The following PUM2 variants were observed in gnomAD, a reference collection of about 807,000 sequenced individuals.
PUM2 encodes the protein pumilio homolog 2.
PUM2 carries 57 observed loss-of-function variants against 124.5 expected under a neutral mutation model. The observed-to-expected ratio is 0.46, with a 90% CI of 0.37 to 0.57. The LOEUF is 0.57. Among genes scored for constraint, PUM2 ranks in the 20% least tolerant of loss-of-function variants. The pLI, the probability that PUM2 is intolerant of heterozygous loss-of-function variation, is 0.00. For synonymous variants in PUM2, 460 were observed against 446.1 expected, an observed-to-expected ratio of 1.03 and a Z score of -0.39; for missense variants, 1,065 against 1,290.6, an observed-to-expected ratio of 0.83 and a Z score of 2.68.
rs1311287270 is a variant in PUM2 at position 20,261,979 on chromosome 2, C to T, written c.2225+1214G>A. On this transcript the variant is annotated intron_variant, in intron 14 of 20. Transcript: ENST00000361078. ...GTGTGATGGTGCGTGCCTGTAGTCCCAGCTATTCGGGATGCTTAGGTGGGA... is the reference window on the plus strand; with the variant it reads ...GTGTGATGGTGCGTGCCTGTAGTCCTAGCTATTCGGGATGCTTAGGTGGGA... 2.6e-5 allele frequency among the ~76,000 whole-genome samples: 4 copies of T among 152,084 alleles called. No individual in the cohort carries two copies. In the East Asian group the frequency reaches 7.7e-4, roughly 29 times the overall value.
intron 7 of PUM2, 116 bp downstream of exon 7, chr2:20,307,862 G>A: frequency 7.5e-7 from 1 of 1,338,028 alleles, no homozygotes; most frequent in Non-Finnish European, 1.0e-6. Flanking sequence ...CCTATTACTT[G>A]TTGATCTCAG....
At chr2:20,261,345 G>A (rs536733418) in intron 14 of PUM2, among the ~76,000 whole-genome samples, 2 of 130,508 alleles carry the variant, frequency 1.5e-5, no homozygotes, top group South Asian at 2.5e-4. Flanking sequence ...AGTGAGCCGA[G>A]ATCATGCCAT....
intron 8 of PUM2, 99 bp from the exon 9 acceptor site, chr2:20,294,617 A>C: frequency 2.3e-6 from 3 of 1,309,554 alleles, no homozygotes; most frequent in East Asian, 2.5e-5. Flanking sequence ...GGCAGGAAGA[A>C]GACTTAGAGA....
chr2:20,299,670 A>T (rs948433625), intron 7 of PUM2, among the ~76,000 whole-genome samples: 1 of 152,164 alleles, frequency 6.6e-6, no homozygotes, highest in African/African-American at 2.4e-5. Context: ...TCTGTCTCCT[A>T]AATAAATAAC....
intron 13 of PUM2, among the ~76,000 whole-genome samples, chr2:20,268,760 T>C (rs1668321966): frequency 6.6e-6 from 1 of 152,206 alleles, no homozygotes; most frequent in Non-Finnish European, 1.5e-5. Context: ...TCCAGATTAA[T>C]ATATAAATGA....
At chr2:20,351,540 C>T (rs1400370682), upstream of PUM2, among the ~76,000 whole-genome samples, 2 of 152,234 alleles carry the variant, frequency 1.3e-5, no homozygotes, top group African/African-American at 4.8e-5. Context: ...TTGGCTGTTT[C>T]TTTTTCTCGC....
intron 8 of PUM2, among the ~76,000 whole-genome samples, chr2:20,297,155 T>A (rs1246249734): frequency 1.3e-5 from 2 of 152,214 alleles, no homozygotes; most frequent in African/African-American, 4.8e-5. Flanking sequence ...AATTACTGTA[T>A]CTGTTTATCT....
At chr2:20,302,855 C>T (rs1345593305) in intron 7 of PUM2, among the ~76,000 whole-genome samples, 1 of 152,178 alleles carries the variant, frequency 6.6e-6, no homozygotes, top group Non-Finnish European at 1.5e-5. Context: ...ACAAAACTGG[C>T]TGAAATCGGT....
intron 9 of PUM2, 141 bp from the exon 10 acceptor site, chr2:20,290,931 G>GA (rs1350275448): frequency 2.0e-5 from 13 of 653,212 alleles, no homozygotes; most frequent in Non-Finnish European, 2.6e-5. Context: ...GATTTAGCAT[G>GA]AAAAATCACA....
At chr2:20,289,932 T>G (rs1322683485) in intron 10 of PUM2, among the ~76,000 whole-genome samples, 1 of 152,162 alleles carries the variant, frequency 6.6e-6, no homozygotes. Context: ...TACTTAAATC[T>G]CCAAAAGAGA....
chr2:20,324,471 C>T (rs1683182519), intron 2 of PUM2, among the ~76,000 whole-genome samples: 1 of 152,170 alleles, frequency 6.6e-6, no homozygotes, highest in Non-Finnish European at 1.5e-5. Context: ...TGAAGAATTT[C>T]AGACAGGGCC....
At chr2:20,350,546 T>G in intron 1 of PUM2, 51 bp downstream of exon 1, 4 of 985,398 alleles carry the variant, frequency 4.1e-6, no homozygotes, top group Non-Finnish European at 3.6e-6. Flanking sequence ...TGGGGAGCCA[T>G]CCTCGACGGC....
chr2:20,323,884 T>G (rs1007413251), intron 2 of PUM2, among the ~76,000 whole-genome samples: 1 of 130,238 alleles, frequency 7.7e-6, no homozygotes, highest in South Asian at 2.4e-4. Context: ...AAATTTTGAG[T>G]ATTATTCTAG....
At chr2:20,327,463 G>T in intron 1 of PUM2, 85 bp from the exon 2 acceptor site, 1 of 819,792 alleles carries the variant, frequency 1.2e-6, no homozygotes, top group Non-Finnish European at 1.9e-6. Context: ...TTGCTGCTAT[G>T]ACTAATATTA....
At chr2:20,314,749 C>T (rs1158642633) in intron 3 of PUM2, among the ~76,000 whole-genome samples, 4 of 152,158 alleles carry the variant, frequency 2.6e-5, no homozygotes, top group South Asian at 4.2e-4. Flanking sequence ...GTCATGTATC[C>T]GTTCATTACA....
In PUM2 at chr2:20,260,394, T is replaced by G. The variant is rs1318589481; in HGVS notation, c.2298A>C (p.Ala766=). ...RQMVFNEILQ[A]AYQLMTDVFG... is the part of the protein sequence containing the mutation. ...AAACATCAGTCATTAATTGATAGGC[T>G]GCTTGCAGAATTTCATTAAATACCA... The change falls in exon 15 of 21, where the codon GCA becomes GCC. Residue 766 remains alanine (A), a synonymous_variant. Transcript: ENST00000361078. 6.2e-7 allele frequency: 1 copy of G among 1,612,708 alleles called. No individual in the cohort carries two copies. Among genetic ancestry groups the G allele is most frequent in the Non-Finnish European group, 8.5e-7 (1 of 1,179,034 alleles).
intron 13 of PUM2, among the ~76,000 whole-genome samples, chr2:20,272,646 G>A (rs75735621): frequency 0.028 from 4,299 of 152,148 alleles, 228 homozygotes; most frequent in African/African-American, 0.098. Flanking sequence ...CACTACTTTT[G>A]GTTCTGCTTT....
At chr2:20,264,367 AATATATATATAT>A (rs1553362304) in intron 13 of PUM2, among the ~76,000 whole-genome samples, 625 of 26,608 alleles carry the variant, frequency 0.023, 24 homozygotes, top group African/African-American at 0.07. Flanking sequence ...AAAAAAAAAA[AATATATATATAT>A]ATATATATAT....
intron 1 of PUM2, among the ~76,000 whole-genome samples, chr2:20,339,717 T>C (rs1686856843): frequency 1.3e-5 from 2 of 152,082 alleles, no homozygotes; most frequent in South Asian, 2.1e-4. Context: ...CTGTCTCTAC[T>C]AAAAATATAA....
Sources: allele counts gnomAD v4.1 joint callset (sites outside exome capture counted in the v4.1 genomes callset), GRCh38; gene constraint gnomAD v4.1.1; transcripts MANE v1.5; gene names NCBI Gene and HGNC (gene_info 2026-07-23, HGNC 2026-07-21).